The following FMNL2 variants were observed in gnomAD, a reference collection of about 807,000 sequenced individuals.
FMNL2 encodes the protein formin-like protein 2.
Under a neutral mutation model 130.2 loss-of-function variants are expected in FMNL2, and 51 were observed. The ratio of observed to expected loss-of-function variants is 0.39; its 90% CI spans 0.31 to 0.49. The LOEUF is 0.49. Ranked by LOEUF, FMNL2 falls within the 20% of genes least tolerant of loss-of-function variation. FMNL2 has a pLI of 0.85. For synonymous variants in FMNL2, 465 were observed against 467.1 expected, an observed-to-expected ratio of 1.00 and a Z score of 0.06; for missense variants, 977 against 1,316.2, an observed-to-expected ratio of 0.74 and a Z score of 3.99.
chr2:152,431,975 A>AAAAAAAAAAAG (rs1464305712), intron 1 of FMNL2, among the ~76,000 whole-genome samples: 2 of 151,054 alleles, frequency 1.3e-5, no homozygotes, highest in Admixed American at 6.6e-5. Context: ...TAAAAAAAAA[A>AAAAAAAAAAAG]AAAAAAAAAA....
At chr2:152,480,142 G>A (rs1690414992) in intron 1 of FMNL2, among the ~76,000 whole-genome samples, 1 of 152,150 alleles carries the variant, frequency 6.6e-6, no homozygotes, top group South Asian at 2.1e-4. Context: ...CGTAGGTGGT[G>A]TAGCAGACCT....
At chr2:152,379,165 T>G (rs139990808) in intron 1 of FMNL2, among the ~76,000 whole-genome samples, 76 of 152,262 alleles carry the variant, frequency 5.0e-4, no homozygotes, top group Middle Eastern at 3.4e-3. Flanking sequence ...AATGATACTT[T>G]AAAGGTGCGT....
At chr2:152,517,426 GT>G (rs899658907) in intron 1 of FMNL2, among the ~76,000 whole-genome samples, 3 of 152,100 alleles carry the variant, frequency 2.0e-5, no homozygotes, top group Non-Finnish European at 1.5e-5. Context: ...ATCAAAAATT[GT>G]TCTTGAAGCA....
intron 1 of FMNL2, among the ~76,000 whole-genome samples, chr2:152,444,633 A>C (rs1032999899): frequency 2.6e-5 from 4 of 152,210 alleles, no homozygotes; most frequent in African/African-American, 9.6e-5. Flanking sequence ...GAAGAGACTG[A>C]ATCCTGGAGT....
chr2:152,646,985 G>A (rs1358845621), intron 25 of FMNL2, among the ~76,000 whole-genome samples: 2 of 152,138 alleles, frequency 1.3e-5, no homozygotes, highest in Non-Finnish European at 2.9e-5. Flanking sequence ...ATTTGGACTG[G>A]TATGCAGTGA....
At chr2:152,495,527 A>G (rs1055302077) in intron 1 of FMNL2, among the ~76,000 whole-genome samples, 5 of 151,416 alleles carry the variant, frequency 3.3e-5, no homozygotes, top group Admixed American at 1.3e-4. Context: ...GCACATTACT[A>G]TAATCCCAGC....
intron 1 of FMNL2, among the ~76,000 whole-genome samples, chr2:152,454,459 G>T (rs1688839106): frequency 1.0e-5 from 1 of 98,636 alleles, no homozygotes; most frequent in African/African-American, 6.2e-5. Context: ...ACATTAAGTT[G>T]AAAATATCTC....
chr2:152,375,877 C>CTA lies in FMNL2; in HGVS notation c.117+40176_117+40177dup, dbSNP rs61564333. The stretch of plus-strand genomic sequence containing the variant: ...TCTCTCTCTCTCTCTCTCTCTCTCT[C>CTA]TATATATATATATATATATAATTAT... On this transcript the variant is annotated intron_variant, in intron 1 of 25. Transcript: ENST00000288670. 3.8e-3 allele frequency among the ~76,000 whole-genome samples: 432 copies of CTA among 112,462 alleles called. 6 individuals carry two copies. The highest frequency in any genetic ancestry group is 0.014 in the Middle Eastern group (3 of 216). 73.8% of individuals were successfully genotyped at this position (112,462 alleles called of 152,430 possible).
At chr2:152,624,933 G>A (rs1478146115) in intron 15 of FMNL2, among the ~76,000 whole-genome samples, 1 of 152,184 alleles carries the variant, frequency 6.6e-6, no homozygotes, top group African/African-American at 2.4e-5. Context: ...CAGGAAGTCA[G>A]CCTTCATGAC....
In FMNL2 at chr2:152,480,633, TAAAAA is replaced by T. The variant is rs58943356; in HGVS notation, c.118-41286_118-41282del. ...CTGGGCGACAGAGCAAGACTCTGTCTAAAAAAAAAAAAAAAAAAAAAAAAAAAAGT... is the reference window on the plus strand; with the variant it reads ...CTGGGCGACAGAGCAAGACTCTGTCTAAAAAAAAAAAAAAAAAAAAAAAGT... On this transcript the variant is annotated intron_variant, in intron 1 of 25. Coordinates refer to ENST00000288670, the MANE Select transcript of FMNL2 (RefSeq NM_052905.4). Among the ~76,000 whole-genome samples, 56 of 37,386 alleles carry T rather than the reference TAAAAA, an allele frequency of 1.5e-3. 1 individual carries two copies. The highest frequency in any genetic ancestry group is 2.2e-3 in the South Asian group (1 of 462). 24.5% of individuals were successfully genotyped at this position (37,386 alleles called of 152,430 possible).
intron 1 of FMNL2, among the ~76,000 whole-genome samples, chr2:152,467,246 T>C (rs1022235851): frequency 2.6e-5 from 4 of 152,216 alleles, no homozygotes; most frequent in African/African-American, 4.8e-5. Context: ...TTCTTTTTTC[T>C]TGGAAGTGCC....
intron 1 of FMNL2, among the ~76,000 whole-genome samples, chr2:152,478,027 G>T (rs190228746): frequency 2.6e-5 from 4 of 151,698 alleles, no homozygotes; most frequent in Admixed American, 2.0e-4. Flanking sequence ...ACAAGTGGTG[G>T]TTAAATTTTT....
intron 1 of FMNL2, among the ~76,000 whole-genome samples, chr2:152,344,129 G>A (rs1681972518): frequency 6.6e-6 from 1 of 152,088 alleles, no homozygotes; most frequent in Non-Finnish European, 1.5e-5. Flanking sequence ...TCTAGTCTGG[G>A]CAACAGAGCA....
At chr2:152,496,118 G>A (rs750004303) in intron 1 of FMNL2, among the ~76,000 whole-genome samples, 8 of 152,090 alleles carry the variant, frequency 5.3e-5, no homozygotes, top group Non-Finnish European at 8.8e-5. Context: ...GAAATTAACA[G>A]GGACACAATA....
chr2:152,516,445 C>T (rs1285833236), intron 1 of FMNL2, among the ~76,000 whole-genome samples: 1 of 152,112 alleles, frequency 6.6e-6, no homozygotes, highest in Non-Finnish European at 1.5e-5. Flanking sequence ...CCATAAGAAG[C>T]ACTACTTGCA....
intron 1 of FMNL2, among the ~76,000 whole-genome samples, chr2:152,426,854 G>A (rs1368997101): frequency 6.6e-6 from 1 of 152,162 alleles, no homozygotes; most frequent in Admixed American, 6.5e-5. Context: ...TTAGGCAGTG[G>A]TCTCTAAGAA....
chr2:152,589,988 T>TATGTATGTATATGTATATGTATATGG, intron 9 of FMNL2, among the ~76,000 whole-genome samples: 1 of 11,488 alleles, frequency 8.7e-5, no homozygotes, highest in Non-Finnish European at 2.2e-4. Flanking sequence ...TATATATGTA[T>TATGTATGTATATGTATATGTATATGG]ATGTATATGT....
intron 6 of FMNL2, among the ~76,000 whole-genome samples, chr2:152,561,830 G>A (rs1695548852): frequency 6.6e-6 from 1 of 151,998 alleles, no homozygotes; most frequent in Non-Finnish European, 1.5e-5. Context: ...TGCCCACCTT[G>A]GCCTCCCAAA....
intron 1 of FMNL2, among the ~76,000 whole-genome samples, chr2:152,359,187 C>T (rs72861983): frequency 0.021 from 3,246 of 152,164 alleles, 38 homozygotes; most frequent in Middle Eastern, 0.034. Context: ...AATATAGATT[C>T]GGATTGTTTG....
Sources: gnomAD v4.1 joint callset for allele counts (sites outside exome capture counted in the v4.1 genomes callset) on GRCh38, gnomAD v4.1.1 for gene constraint, MANE v1.5 for transcripts, NCBI Gene and HGNC (gene_info 2026-07-23, HGNC 2026-07-21) for gene names.